SPEF2: variants seen among roughly 807,000 people sequenced by gnomAD.
SPEF2 encodes the protein sperm flagellar and cilia associated 2, also known as sperm flagella and cilia-associated protein 2.
Under a neutral mutation model 224.6 loss-of-function variants are expected in SPEF2, and 187 were observed. The observed-to-expected ratio is 0.83, with a 90% CI of 0.74 to 0.94. SPEF2 has a LOEUF of 0.94. Among genes scored for constraint, SPEF2 ranks in the 40% least tolerant of loss-of-function variants. SPEF2 has a pLI of 0.00. For missense variants in SPEF2, 2,170 were observed against 2,135.6 expected, an observed-to-expected ratio of 1.02 and a Z score of -0.32; for synonymous variants, 715 against 707.3, an observed-to-expected ratio of 1.01 and a Z score of -0.17.
Position 35,655,328 on chromosome 5 carries a change from A to G in SPEF2, c.978+602A>G, listed in dbSNP as rs77083980. ...CACTGCAGCTTGAGAATCACTGATC[A>G]TTTCTTACATTGAACACATATTTAT... is the stretch of plus-strand genomic sequence containing the variant. On this transcript the variant is annotated intron_variant, in intron 7 of 36. Coordinates refer to ENST00000356031, the MANE Select transcript of SPEF2 (RefSeq NM_024867.4). 2.7e-3 allele frequency among the ~76,000 whole-genome samples: 414 copies of G among 152,316 alleles called. 11 individuals are homozygous for G. In the East Asian group the frequency reaches 0.048, roughly 18 times the overall value.
Position 35,659,199 on chromosome 5 carries a change from C to A in SPEF2, c.1159C>A (p.Arg387=). 1.2e-6 allele frequency: 2 copies of A among 1,606,110 alleles called. No individual in the cohort carries two copies. The highest frequency in any genetic ancestry group is 1.1e-5 in the South Asian group (1 of 90,016). ...RLKDFQDALD[R]EAALAKQAKI... is the part of the protein sequence containing the mutation. ...TAAAGATTTCCAGGATGCTCTTGAT[C>A]GAGAAGCGGTAAATACCATCTTCCT... Residue 387 remains arginine, a synonymous_variant, in exon 8 of 37, where the codon CGA becomes AGA. Transcript: ENST00000356031.
chr5:35,716,287 G>T (rs1742554896), intron 20 of SPEF2, among the ~76,000 whole-genome samples: 1 of 151,890 alleles, frequency 6.6e-6, no homozygotes, highest in Admixed American at 6.6e-5. Context: ...AATTTTAAGG[G>T]CTATAATTTA....
intron 8 of SPEF2, 76 bp from the exon 9 acceptor site, chr5:35,666,996 T>C (rs1750555147): frequency 7.3e-7 from 1 of 1,361,420 alleles, no homozygotes; most frequent in East Asian, 2.5e-5. Flanking sequence ...GAAAGACTTT[T>C]TGGCCATTGA....
intron 30 of SPEF2, chr5:35,789,199 A>G (rs762468470): frequency 7.1e-6 from 5 of 702,882 alleles, no homozygotes; most frequent in South Asian, 1.5e-5. Flanking sequence ...AGAAACCCAA[A>G]GAACTTCTGG....
intron 20 of SPEF2, among the ~76,000 whole-genome samples, chr5:35,722,374 G>T (rs1743848411): frequency 6.6e-6 from 1 of 151,744 alleles, no homozygotes; most frequent in Non-Finnish European, 1.5e-5. Flanking sequence ...GAAAAGACAT[G>T]GGATTCATGG....
At chr5:35,671,589 T>G in intron 10 of SPEF2, 10 of 890,732 alleles carry the variant, frequency 1.1e-5, no homozygotes, top group African/African-American at 1.8e-5. Context: ...TACTGGTTCA[T>G]CGAATGTTTA....
intron 33 of SPEF2, among the ~76,000 whole-genome samples, chr5:35,797,756 T>A (rs1756885142): frequency 6.6e-6 from 1 of 152,244 alleles, no homozygotes; most frequent in South Asian, 2.1e-4. Flanking sequence ...TTTGTTTACT[T>A]ATTTGGCTGT....
At chr5:35,734,700 CTTTTTT>C (rs1561280071) in intron 21 of SPEF2, among the ~76,000 whole-genome samples, 1 of 29,362 alleles carries the variant, frequency 3.4e-5, no homozygotes, top group Non-Finnish European at 1.3e-4. Context: ...GAATTGCTTT[CTTTTTT>C]TTCTTTTTTT....
chr5:35,766,460 G>A (rs1434082191), intron 26 of SPEF2, among the ~76,000 whole-genome samples: 1 of 151,898 alleles, frequency 6.6e-6, no homozygotes, highest in Non-Finnish European at 1.5e-5. Flanking sequence ...TATTTAAAAT[G>A]GCCTACATTT....
chr5:35,702,222 C>T, intron 16 of SPEF2: 1 of 456,200 alleles, frequency 2.2e-6, no homozygotes, highest in Non-Finnish European at 4.4e-6. Context: ...TTCTGCAGTG[C>T]TCGGGGTCTA....
chr5:35,697,700 G>T lies in SPEF2; in HGVS notation c.2048G>T (p.Arg683Leu). 1 of 1,612,860 alleles carries T rather than the reference G, an allele frequency of 6.2e-7. No individual in the cohort carries two copies. Residue 683 changes from arginine (R) to leucine (L), a missense_variant, in exon 15 of 37, where the codon CGT becomes CTT. Coordinates refer to ENST00000356031, the MANE Select transcript of SPEF2 (RefSeq NM_024867.4). ...SSDSFLKLTT[R>L]AQLGAKSEQL... Reference sequence around the variant, plus strand: ...TGTTTATTTTCCCAGCTCACTACACGTGCTCAGCTTGGTGCAAAATCAGAA... The same window carrying T: ...TGTTTATTTTCCCAGCTCACTACACTTGCTCAGCTTGGTGCAAAATCAGAA...
chr5:35,769,565 C>T (rs1367752988), intron 26 of SPEF2, among the ~76,000 whole-genome samples: 1 of 152,154 alleles, frequency 6.6e-6, no homozygotes, highest in Non-Finnish European at 1.5e-5. Flanking sequence ...CTATTAAGCA[C>T]CTACTGGGCA....
chr5:35,754,147 C>T (rs1750098418), intron 24 of SPEF2, among the ~76,000 whole-genome samples: 1 of 152,084 alleles, frequency 6.6e-6, no homozygotes, highest in South Asian at 2.1e-4. Context: ...CAAGATCAGA[C>T]CAGGCAGACA....
intron 4 of SPEF2, 131 bp downstream of exon 4, chr5:35,644,656 G>T (rs962397896): frequency 5.0e-6 from 3 of 594,260 alleles, no homozygotes; most frequent in Non-Finnish European, 8.0e-6. Context: ...ACTTTGTCCT[G>T]CCCTACTCTC....
chr5:35,801,207 C>G (rs758791894), intron 34 of SPEF2, among the ~76,000 whole-genome samples: 1 of 152,172 alleles, frequency 6.6e-6, no homozygotes, highest in African/African-American at 2.4e-5. Flanking sequence ...ACAGTAGAAG[C>G]CCAGTTTAAG....
In SPEF2 at chr5:35,739,968, A is replaced by G. The variant is rs756254625; in HGVS notation, c.3113A>G (p.Tyr1038Cys). ...VPYWELIENS[Y>C]INTIKTVLRH... ...TACTGGGAACTAATAGAAAATTCCT[A>G]TATAAACACCATCAAAACAGTACTC... The change falls in exon 22 of 37, where the codon TAT becomes TGT. Residue 1038 changes from tyrosine to cysteine, a missense_variant. Coordinates refer to ENST00000356031, the MANE Select transcript of SPEF2 (RefSeq NM_024867.4). 1 of 1,614,184 alleles carries G rather than the reference A, an allele frequency of 6.2e-7. No homozygotes were observed. The highest frequency in any genetic ancestry group is 2.2e-5 in the East Asian group (1 of 44,872).
chr5:35,748,304 C>G (rs1748877125), intron 23 of SPEF2, among the ~76,000 whole-genome samples: 1 of 151,852 alleles, frequency 6.6e-6, no homozygotes, highest in Non-Finnish European at 1.5e-5. Context: ...AACCCAAACC[C>G]AGCAGAAGAA....
intron 15 of SPEF2, 145 bp from the exon 16 acceptor site, chr5:35,700,351 A>G (rs540224265): frequency 3.9e-5 from 29 of 735,438 alleles, no homozygotes; most frequent in Non-Finnish European, 5.9e-5. Context: ...CACATCAGTA[A>G]ACCTAATCTT....
chr5:35,681,694 A>C (rs1752828202), intron 10 of SPEF2, among the ~76,000 whole-genome samples: 1 of 152,220 alleles, frequency 6.6e-6, no homozygotes, highest in South Asian at 2.1e-4. Flanking sequence ...AGGATTTCAT[A>C]AATTTTTTTT....
Sources: gnomAD v4.1 joint callset for allele counts (sites outside exome capture counted in the v4.1 genomes callset) on GRCh38, gnomAD v4.1.1 for gene constraint, MANE v1.5 for transcripts, NCBI Gene and HGNC (gene_info 2026-07-23, HGNC 2026-07-21) for gene names.